The following SBF2 variants were observed in gnomAD, a reference collection of about 807,000 sequenced individuals.
SBF2 encodes the protein SET binding factor 2.
SBF2 carries 112 observed loss-of-function variants against 225.2 expected under a neutral mutation model. The ratio of observed to expected loss-of-function variants is 0.50; its 90% CI spans 0.43 to 0.58. The LOEUF is 0.58. Among genes scored for constraint, SBF2 ranks in the 20% least tolerant of loss-of-function variants. The probability of loss-of-function intolerance (pLI) is 0.00; values close to 1 mark genes in which losing one functional copy is unlikely to be tolerated. For synonymous variants in SBF2, 763 were observed against 773.3 expected (o/e 0.99, Z 0.22); for missense variants, 1,996 against 2,206.2 (o/e 0.90, Z 1.91).
intron 2 of SBF2, among the ~76,000 whole-genome samples, chr11:10,189,408 C>A (rs1313560800): frequency 6.6e-6 from 1 of 152,102 alleles, no homozygotes; most frequent in East Asian, 1.9e-4. Flanking sequence ...TGATTGCTAC[C>A]CATTTATTGT....
intron 1 of SBF2, among the ~76,000 whole-genome samples, chr11:10,233,511 T>G (rs1400759094): frequency 6.6e-6 from 1 of 151,926 alleles, no homozygotes; most frequent in Non-Finnish European, 1.5e-5. Context: ...AAGTATTCAT[T>G]TTTTTTCTTA....
At chr11:9,842,502 G>T in intron 25 of SBF2, 123 bp downstream of exon 25, 1 of 922,916 alleles carries the variant, frequency 1.1e-6, no homozygotes, top group Admixed American at 2.0e-5. Flanking sequence ...GCTGGTAAGT[G>T]CTTCCATCTT....
chr11:9,909,369 C>T (rs941967066), intron 16 of SBF2, among the ~76,000 whole-genome samples: 3 of 151,422 alleles, frequency 2.0e-5, no homozygotes. Context: ...ACCTGACTTA[C>T]AATATAAGAT....
intron 1 of SBF2, among the ~76,000 whole-genome samples, chr11:10,293,371 G>A (rs1310438959): frequency 1.3e-5 from 2 of 152,228 alleles, no homozygotes; most frequent in African/African-American, 4.8e-5. Context: ...CGGTCAGCTG[G>A]CTGTCCTTAG....
At chr11:10,130,973 G>C (rs1022923460) in intron 2 of SBF2, among the ~76,000 whole-genome samples, 6 of 151,874 alleles carry the variant, frequency 4.0e-5, no homozygotes, top group African/African-American at 1.5e-4. Context: ...CCAATTTTGG[G>C]CCATTGAAAA....
intron 2 of SBF2, among the ~76,000 whole-genome samples, chr11:10,058,733 GA>G (rs1419453369): frequency 3.9e-5 from 6 of 152,072 alleles, no homozygotes; most frequent in Admixed American, 1.3e-4. Context: ...CAAAATGAAA[GA>G]AAGAATGTGA....
chr11:9,883,202 T>C (rs1474502522), intron 17 of SBF2, among the ~76,000 whole-genome samples: 1 of 152,054 alleles, frequency 6.6e-6, no homozygotes, highest in Non-Finnish European at 1.5e-5. Flanking sequence ...CAACCTGGCA[T>C]CAAAGATCTG....
intron 1 of SBF2, among the ~76,000 whole-genome samples, chr11:10,227,622 A>C (rs994821777): frequency 2.6e-5 from 4 of 152,202 alleles, no homozygotes; most frequent in African/African-American, 9.7e-5. Flanking sequence ...GACAAAGATC[A>C]GATAGTTGTA....
At chr11:9,880,993 C>T (rs796902003) in intron 17 of SBF2, among the ~76,000 whole-genome samples, 1 of 152,180 alleles carries the variant, frequency 6.6e-6, no homozygotes, top group African/African-American at 2.4e-5. Context: ...AATCCTTTTA[C>T]TGCCTACAGA....
intron 19 of SBF2, among the ~76,000 whole-genome samples, chr11:9,854,098 A>G (rs1001763469): frequency 1.3e-5 from 2 of 152,228 alleles, no homozygotes; most frequent in African/African-American, 4.8e-5. Context: ...TAATTATTAC[A>G]TAGAGAACAA....
intron 1 of SBF2, among the ~76,000 whole-genome samples, chr11:10,257,664 C>CAAAAAA (rs58743421): frequency 5.1e-5 from 2 of 39,054 alleles, no homozygotes; most frequent in Non-Finnish European, 8.1e-5. Flanking sequence ...GGCCTTGCCT[C>CAAAAAA]AAAAAAAAAA....
intron 26 of SBF2, 106 bp from the exon 27 acceptor site, chr11:9,832,526 G>A (rs1336222397): frequency 1.3e-6 from 1 of 769,332 alleles, no homozygotes; most frequent in Non-Finnish European, 2.3e-6. Flanking sequence ...ATAAGAAATT[G>A]AATACTAATA....
chr11:10,157,512 C>T (rs573840292), intron 2 of SBF2, among the ~76,000 whole-genome samples: 11 of 152,248 alleles, frequency 7.2e-5, no homozygotes, highest in Admixed American at 6.5e-4. Context: ...TTTTTGCAAA[C>T]TATGCATCCA....
intron 14 of SBF2, among the ~76,000 whole-genome samples, chr11:9,967,871 C>T (rs998852469): frequency 2.0e-5 from 3 of 151,856 alleles, no homozygotes; most frequent in Non-Finnish European, 4.4e-5. Context: ...GCCGAGATCA[C>T]ACCATTGTAC....
Position 10,133,561 on chromosome 11 carries a change from C to T in SBF2, c.141+60341G>A, listed in dbSNP as rs967061836. The stretch of plus-strand genomic sequence containing the variant: ...CCACTGGCCTGGGTGCTAAGTCCCC[C>T]ATTGCCCAGGGCCAGCAGGGCTGCC... On this transcript the variant is annotated intron_variant, in intron 2 of 39. Transcript: ENST00000256190. Among the ~76,000 whole-genome samples, 7 of 126,054 alleles carry T rather than the reference C, an allele frequency of 5.6e-5. 1 individual carries two copies. The highest frequency in any genetic ancestry group is 1.9e-4 in the African/African-American group (7 of 37,820). 82.7% of individuals were successfully genotyped at this position (126,054 alleles called of 152,430 possible). A position where few individuals can be genotyped will look rare whatever the true frequency, so the allele number is the denominator to read the frequency against.
rs749729139 is a variant in SBF2 at position 9,832,278 on chromosome 11, A to G, written c.3598T>C (p.Phe1200Leu). 7 of 1,614,160 alleles carry G rather than the reference A, an allele frequency of 4.3e-6. No individual in the cohort carries two copies. The highest frequency in any genetic ancestry group is 4.2e-6 in the Non-Finnish European group (5 of 1,180,002). ...AGACCAACGACTCCCTTCCCATGGAATCCTCCAGATCGGAGGAGCAGAGTA... is the reference window on the plus strand; with the variant it reads ...AGACCAACGACTCCCTTCCCATGGAGTCCTCCAGATCGGAGGAGCAGAGTA... ...SGTLLLRSGG[F>L]HGKGVVGLFK... The change falls in exon 27 of 40, where the codon TTC becomes CTC. Residue 1200 changes from phenylalanine to leucine, a missense_variant. Transcript: ENST00000256190.
chr11:10,020,502 T>C (rs1948810041), intron 6 of SBF2, among the ~76,000 whole-genome samples: 1 of 152,094 alleles, frequency 6.6e-6, no homozygotes, highest in Admixed American at 6.5e-5. Context: ...CTCTCTCAAG[T>C]TGCCCGCTTG....
intron 2 of SBF2, among the ~76,000 whole-genome samples, chr11:10,048,441 C>T (rs1949949140): frequency 1.3e-5 from 2 of 152,226 alleles, no homozygotes; most frequent in Middle Eastern, 3.4e-3. Flanking sequence ...CTAGTAATTG[C>T]TGTATTCTTT....
chr11:10,055,905 A>C (rs1473263086), intron 2 of SBF2, among the ~76,000 whole-genome samples: 1 of 152,120 alleles, frequency 6.6e-6, no homozygotes, highest in East Asian at 1.9e-4. Flanking sequence ...ACCAAAAACC[A>C]CTTATACCCC....
Sources: gnomAD v4.1 joint callset for allele counts (sites outside exome capture counted in the v4.1 genomes callset) on GRCh38, gnomAD v4.1.1 for gene constraint, MANE v1.5 for transcripts, NCBI Gene and HGNC (gene_info 2026-07-23, HGNC 2026-07-21) for gene names.